AMPD3: variants seen among roughly 807,000 people sequenced by gnomAD.
The protein encoded by AMPD3 is adenosine monophosphate deaminase 3.
In AMPD3, 57 loss-of-function variants were observed where a neutral mutation model predicts 82.3. The observed-to-expected ratio is 0.69, with a 90% confidence interval of 0.56 to 0.86. AMPD3 has a LOEUF of 0.86. Ranked by LOEUF, AMPD3 falls within the 40% of genes least tolerant of loss-of-function variation. AMPD3 has a pLI of 0.00. For synonymous variants in AMPD3, 381 were observed against 394.7 expected, an observed-to-expected ratio of 0.97 and a Z score of 0.41; for missense variants, 870 against 1,003.8, an observed-to-expected ratio of 0.87 and a Z score of 1.80.
chr11:10,504,991 C>T (rs1849677457), intron 14 of AMPD3: 2 of 404,508 alleles, frequency 4.9e-6, no homozygotes, highest in South Asian at 2.1e-4. Flanking sequence ...CTGTCTTTCC[C>T]TCTAGCATGT....
chr11:10,504,326 A>T, intron 13 of AMPD3: 1 of 636,920 alleles, frequency 1.6e-6, no homozygotes, highest in Non-Finnish European at 2.0e-6. Flanking sequence ...GTGCTGGTCA[A>T]TGAATAAATG....
intron 1 of AMPD3, among the ~76,000 whole-genome samples, chr11:10,458,583 T>G (rs2133814515): frequency 6.6e-6 from 1 of 152,268 alleles, no homozygotes; most frequent in Middle Eastern, 3.4e-3. Flanking sequence ...TCACTGTAAA[T>G]AAAGCATGGG....
intron 3 of AMPD3, among the ~76,000 whole-genome samples, chr11:10,479,228 T>C (rs1848833496): frequency 6.6e-6 from 1 of 152,200 alleles, no homozygotes; most frequent in Non-Finnish European, 1.5e-5. Flanking sequence ...TTGAGCAAAT[T>C]GGTTTACACT....
Position 10,484,978 on chromosome 11 carries a change from G to A in AMPD3, c.748G>A (p.Asp250Asn), listed in dbSNP as rs145610067. 1.1e-5 allele frequency: 18 copies of A among 1,596,964 alleles called. No homozygotes were observed. The highest frequency in any genetic ancestry group is 9.8e-5 in the African/African-American group (7 of 71,142). Residue 250 changes from aspartate to asparagine, a missense_variant, in exon 5 of 15, where the codon GAC becomes AAC. Transcript: ENST00000396553. ...HQEPHSLPYP[D>N]LETYTVDMSH... ...GGAGCCGCACAGCCTACCCTACCCC[G>A]ACCTGGAGACCTACACGGTGGACAT...
rs1270374003 is a variant in AMPD3, at chr11:10,485,042, A to G, written c.809+3A>G. ...GCTCTCATCACCGATGGCCCCACGT[A>G]AGCTAGCTTCTCCGCGGCTGCCTGT... On this transcript the variant is annotated splice_donor_region_variant and intron_variant, in intron 5 of 14. Transcript: ENST00000396553. The G allele has an allele frequency of 4.3e-6, 7 of 1,612,404 alleles. No homozygotes were observed. The highest frequency in any genetic ancestry group is 1.1e-5 in the South Asian group (1 of 90,914).
At chr11:10,461,285 A>AT (rs1848262107) in intron 1 of AMPD3, 1 of 1,504,642 alleles carries the variant, frequency 6.6e-7, no homozygotes, top group Admixed American at 1.8e-5. Context: ...CATTCTTTGA[A>AT]TTTTGAACAC....
chr11:10,461,848 A>G, intron 2 of AMPD3, 108 bp downstream of exon 2: 1 of 1,083,972 alleles, frequency 9.2e-7, no homozygotes, highest in Non-Finnish European at 1.4e-6. Context: ...GTATGTCCCT[A>G]GAGCTGTGTT....
In AMPD3 at chr11:10,501,506, C is replaced by A; in HGVS notation, c.1758C>A (p.His586Gln). Residue 586 changes from histidine to glutamine, a missense_variant, in exon 12 of 15, where the codon CAC becomes CAA. His to Gln is a conservative substitution (Grantham distance 24). Coordinates refer to ENST00000396553, the MANE Select transcript of AMPD3 (RefSeq NM_001025389.2). The stretch of plus-strand genomic sequence containing the variant: ...TGAGCACGTTCCTGTTCCGGCCGCA[C>A]TGTGGGGAAGCCGGCTCCATCACCC... ...RGLSTFLFRPHCGEAGSITHL... is the reference protein window; with the variant it reads ...RGLSTFLFRPQCGEAGSITHL... 1 of 1,614,150 alleles carries A rather than the reference C, an allele frequency of 6.2e-7. No homozygotes were observed. Among genetic ancestry groups the A allele is most frequent in the Non-Finnish European group, 8.5e-7 (1 of 1,180,020 alleles).
chr11:10,485,773 G>A (rs1019339864), intron 5 of AMPD3, among the ~76,000 whole-genome samples: 6 of 152,088 alleles, frequency 3.9e-5, no homozygotes, highest in Non-Finnish European at 8.8e-5. Context: ...CTTTGCTCAT[G>A]GGCATGGTGC....
intron 14 of AMPD3, 42 bp downstream of exon 14, chr11:10,504,701 G>A: frequency 1.3e-6 from 2 of 1,573,176 alleles, no homozygotes; most frequent in Non-Finnish European, 1.7e-6. Context: ...TCCTGGGAAG[G>A]CTGCCTGCTG....
chr11:10,455,937 T>C, intron 1 of AMPD3: 1 of 985,334 alleles, frequency 1.0e-6, no homozygotes, highest in Non-Finnish European at 1.2e-6. Context: ...GGTGATGATA[T>C]CGCTCGTTGC....
chr11:10,493,403 T>C lies in AMPD3; in HGVS notation c.994T>C (p.Phe332Leu). The change falls in exon 7 of 15, where the codon TTC (phenylalanine) becomes CTC (leucine). Residue 332 changes from phenylalanine to leucine, a missense_variant. Physicochemically the swap from Phe to Leu is conservative, Grantham distance 22. Coordinates refer to ENST00000396553, the MANE Select transcript of AMPD3 (RefSeq NM_001025389.2). ...ACMNQKHLLR[F>L]IKHTYQTEPD... is the part of the protein sequence containing the mutation. ...CATGAACCAAAAGCATCTGCTGCGC[T>C]TCATCAAGCACACATACCAGACGGA... 1 of 1,614,198 alleles carries C rather than the reference T, an allele frequency of 6.2e-7. No homozygotes were observed. Among genetic ancestry groups the C allele is most frequent in the Non-Finnish European group, 8.5e-7 (1 of 1,180,038 alleles).
Position 10,484,874 on chromosome 11 carries a change from C to T in AMPD3, c.644C>T (p.Pro215Leu). The change falls in exon 5 of 15, where the codon CCC becomes CTC. Residue 215 changes from proline to leucine, a missense_variant. Physicochemically the swap from Pro to Leu is moderately conservative, Grantham distance 98 (BLOSUM62 -3). Coordinates refer to ENST00000396553, the MANE Select transcript of AMPD3 (RefSeq NM_001025389.2). Reference sequence around the variant, plus strand: ...GACCCCTACTGCCTGGATGATGCACCCCCCAACCTGGATTACTTGGTCCAC... The same window carrying T: ...GACCCCTACTGCCTGGATGATGCACTCCCCAACCTGGATTACTTGGTCCAC... ...QEDPYCLDDA[P>L]PNLDYLVHMQ... 1 of 1,614,076 alleles carries T rather than the reference C, an allele frequency of 6.2e-7. No homozygotes were observed. Among genetic ancestry groups the T allele is most frequent in the Non-Finnish European group, 8.5e-7 (1 of 1,180,020 alleles).
At chr11:10,474,325 C>T (rs1350597155) in intron 2 of AMPD3, among the ~76,000 whole-genome samples, 3 of 152,222 alleles carry the variant, frequency 2.0e-5, no homozygotes, top group Admixed American at 6.5e-5. Context: ...AGTGCCCCTC[C>T]CTGCCTAGTA....
At position 10,505,884 on chromosome 11, in the gene AMPD3, G is replaced by T; in HGVS notation, c.2304G>T (p.Ter768TyrextTer41). The change falls in exon 15 of 15, where the codon TAG (stop) becomes TAT (tyrosine). Residue 768 changes from the stop codon to tyrosine, a stop_lost. Transcript: ENST00000396553. ...KSEEITALTN[*>Y] ...AAGAGATCACCGCCTTGACCAACTA[G>T]GTCCAGCATTTGACATGCATTTTAA... 6.2e-7 allele frequency: 1 copy of T among 1,614,094 alleles called. No individual in the cohort carries two copies. The highest frequency in any genetic ancestry group is 8.5e-7 in the Non-Finnish European group (1 of 1,180,026).
chr11:10,456,514 A>G lies in AMPD3; in HGVS notation c.-6+1066A>G. On this transcript the variant is annotated intron_variant, in intron 1 of 14. Coordinates refer to ENST00000396553, the MANE Select transcript of AMPD3 (RefSeq NM_001025389.2). This position sits in a 1 kb window ranked among gnomAD's most constrained non-coding sequence, Gnocchi z 4.3. The stretch of plus-strand genomic sequence containing the variant: ...GCTTCCTTTCTGGAGGGACTGTGGC[A>G]CCATGAAAAGTTACTGTTTGTTGAA... The G allele has an allele frequency of 6.2e-7, 1 of 1,609,762 alleles. No homozygotes were observed. Among genetic ancestry groups the G allele is most frequent in the Non-Finnish European group, 8.5e-7 (1 of 1,177,904 alleles).
intron 14 of AMPD3, 61 bp downstream of exon 14, chr11:10,504,720 G>A (rs1489642298): frequency 2.7e-6 from 4 of 1,462,680 alleles, no homozygotes; most frequent in Middle Eastern, 1.7e-4. Flanking sequence ...TGTGTGCCAG[G>A]AGCCTTCCAG....
At chr11:10,502,435 C>T in intron 12 of AMPD3, 6 of 985,028 alleles carry the variant, frequency 6.1e-6, no homozygotes, top group Non-Finnish European at 7.2e-6. Flanking sequence ...GCTGCCCTTC[C>T]TGCCCTGAGC....
chr11:10,474,065 A>G (rs941636266), intron 2 of AMPD3, among the ~76,000 whole-genome samples: 3 of 152,070 alleles, frequency 2.0e-5, no homozygotes, highest in Admixed American at 6.5e-5. Flanking sequence ...CCTAGTCTGG[A>G]TTAAGTGTCT....
Sources: allele counts gnomAD v4.1 joint callset (sites outside exome capture counted in the v4.1 genomes callset), GRCh38; gene constraint gnomAD v4.1.1; non-coding constraint Gnocchi (gnomAD v3.1); transcripts MANE v1.5; gene names NCBI Gene and HGNC (gene_info 2026-07-23, HGNC 2026-07-21).